The following TRIM24 variants were observed in gnomAD, a reference collection of about 807,000 sequenced individuals.
TRIM24 encodes tripartite motif containing 24, also known as transcription intermediary factor 1-alpha.
Under a neutral mutation model 123.9 loss-of-function variants are expected in TRIM24, and 29 were observed. The observed-to-expected ratio is 0.23, with a 90% CI of 0.17 to 0.32. The LOEUF (loss-of-function observed/expected upper bound fraction) is 0.32, where lower values mean the gene tolerates loss of function less well. Ranked by LOEUF, TRIM24 falls within the 10% of genes least tolerant of loss-of-function variation. The pLI is 1.00. For synonymous variants in TRIM24, 456 were observed against 461.1 expected (o/e 0.99, Z 0.14); for missense variants, 932 against 1,295.3 (o/e 0.72, Z 4.31).
chr7:138,490,074 T>C (rs1795745731), intron 1 of TRIM24, among the ~76,000 whole-genome samples: 1 of 152,192 alleles, frequency 6.6e-6, no homozygotes, highest in African/African-American at 2.4e-5. Context: ...TTCTCTAAAC[T>C]TCTCTTCTCG....
In TRIM24 at chr7:138,585,885, A is replaced by AAATATAAG. The variant is rs780726267; in HGVS notation, c.*935_*942dup. The AAATATAAG allele has an allele frequency of 3.9e-6, 2 of 518,984 alleles. No individual in the cohort carries two copies. Among genetic ancestry groups the AAATATAAG allele is most frequent in the South Asian group, 2.8e-5 (2 of 71,582 alleles). The allele number at this position is 518,984 out of a possible 1,614,324, so 32.1% of individuals were successfully genotyped here. Reference sequence around the variant, plus strand: ...TTCATCATATACCCTACTGGGCATTAAATATAAGTTCCTCTGAAAGGGACT... The same window carrying AAATATAAG: ...TTCATCATATACCCTACTGGGCATTAAATATAAGAATATAAGTTCCTCTGAAAGGGACT... On this transcript the variant is annotated 3_prime_UTR_variant, in exon 19 of 19. Coordinates refer to ENST00000343526, the MANE Select transcript of TRIM24 (RefSeq NM_015905.3).
chr7:138,553,712 A>T (rs1002137619), intron 8 of TRIM24, among the ~76,000 whole-genome samples: 1 of 152,158 alleles, frequency 6.6e-6, no homozygotes, highest in Non-Finnish European at 1.5e-5. Flanking sequence ...TTTAGAGCCA[A>T]TGTTAGGTTC....
At chr7:138,560,493 T>C (rs1267705276) in intron 9 of TRIM24, among the ~76,000 whole-genome samples, 1 of 152,186 alleles carries the variant, frequency 6.6e-6, no homozygotes, top group East Asian at 1.9e-4. Context: ...TAGTAGGTTT[T>C]TACAGGGTGT....
intron 7 of TRIM24, among the ~76,000 whole-genome samples, chr7:138,539,221 T>A (rs1796952674): frequency 6.6e-6 from 1 of 152,134 alleles, no homozygotes; most frequent in Admixed American, 6.5e-5. Context: ...ATGTAACATG[T>A]CTAACATCAC....
intron 1 of TRIM24, among the ~76,000 whole-genome samples, chr7:138,465,155 G>A (rs1795108399): frequency 6.6e-6 from 1 of 152,190 alleles, no homozygotes. Flanking sequence ...TGGCCACCAA[G>A]CTCCCATTGA....
In TRIM24 at chr7:138,460,794, G is replaced by A. The variant is rs765438385; in HGVS notation, c.246G>A (p.Leu82=). The A allele has an allele frequency of 1.3e-6, 2 of 1,583,054 alleles. No individual in the cohort carries two copies. The highest frequency in any genetic ancestry group is 1.4e-5 in the African/African-American group (1 of 71,490). The change falls in exon 1 of 19, where the codon CTG becomes CTA. Residue 82 remains leucine, a synonymous_variant. Transcript: ENST00000343526. Reference sequence around the variant, plus strand: ...TGCACTCTTTCTGCCAGCGCTGCCTGCCCGCGCCCCAGCGCTACCTCATGC... The same window carrying A: ...TGCACTCTTTCTGCCAGCGCTGCCTACCCGCGCCCCAGCGCTACCTCATGC... The part of the protein sequence containing the change: ...PCLHSFCQRC[L]PAPQRYLMLP...
chr7:138,527,343 A>C (rs939995912), intron 5 of TRIM24, among the ~76,000 whole-genome samples: 2 of 152,228 alleles, frequency 1.3e-5, no homozygotes, highest in African/African-American at 4.8e-5. Context: ...AATTGAGGCA[A>C]AAAATTAAAC....
At chr7:138,548,203 T>C (rs997395088) in intron 7 of TRIM24, among the ~76,000 whole-genome samples, 5 of 152,192 alleles carry the variant, frequency 3.3e-5, no homozygotes, top group African/African-American at 1.2e-4. Context: ...CAAACCTAGA[T>C]GGTTTACTCT....
At chr7:138,474,888 T>G (rs1016826314) in intron 1 of TRIM24, among the ~76,000 whole-genome samples, 1 of 152,242 alleles carries the variant, frequency 6.6e-6, no homozygotes, top group African/African-American at 2.4e-5. Flanking sequence ...GAAGATGTTC[T>G]GCAGGAAATC....
intron 1 of TRIM24, chr7:138,461,320 C>T (rs1240757704): frequency 4.0e-6 from 2 of 505,058 alleles, no homozygotes; most frequent in Non-Finnish European, 7.8e-6. Context: ...TGATCCTGAT[C>T]ATCTCGTCTA....
At chr7:138,510,180 C>G (rs1225666035) in intron 2 of TRIM24, among the ~76,000 whole-genome samples, 1 of 152,234 alleles carries the variant, frequency 6.6e-6, no homozygotes, top group Non-Finnish European at 1.5e-5. Context: ...CAAGTGCCTT[C>G]TTCTGACATT....
intron 9 of TRIM24, among the ~76,000 whole-genome samples, chr7:138,560,000 T>C (rs1797392686): frequency 6.6e-6 from 1 of 152,208 alleles, no homozygotes; most frequent in Admixed American, 6.5e-5. Flanking sequence ...ATTCCCCTAG[T>C]TCATGGAGGT....
intron 1 of TRIM24, among the ~76,000 whole-genome samples, chr7:138,482,589 G>A (rs1258663812): frequency 6.6e-6 from 1 of 152,118 alleles, no homozygotes; most frequent in Admixed American, 6.5e-5. Context: ...AGGATCTTAT[G>A]CTTTCTTTAC....
At chr7:138,534,209 C>T (rs917254679) in intron 6 of TRIM24, among the ~76,000 whole-genome samples, 25 of 152,046 alleles carry the variant, frequency 1.6e-4, no homozygotes, top group African/African-American at 5.8e-4. Flanking sequence ...GTGTCTCTAT[C>T]TCCTTCAGTT....
chr7:138,554,756 C>T lies in TRIM24; in HGVS notation c.1320C>T (p.Val440=), dbSNP rs761518363. ...CACAAATGCCTAAGCAGAATCCTGT[C>T]GTGGAACAGAATTCACAGCCACCAA... ...SQPQMPKQNP[V]VEQNSQPPSG... is the part of the protein sequence containing the mutation. The change falls in exon 9 of 19, where the codon GTC becomes GTT. Residue 440 remains valine (V), a synonymous_variant. Transcript: ENST00000343526. This position sits in a 1 kb window ranked among gnomAD's most constrained non-coding sequence, Gnocchi z 4.5. 5.1e-5 allele frequency: 83 copies of T among 1,614,014 alleles called. No individual in the cohort carries two copies. In the South Asian group the frequency reaches 7.6e-4, roughly 15 times the overall value.
chr7:138,552,715 C>A (rs1208449112), intron 8 of TRIM24, among the ~76,000 whole-genome samples: 1 of 152,038 alleles, frequency 6.6e-6, no homozygotes, highest in African/African-American at 2.4e-5. Flanking sequence ...AAGGGAAGAA[C>A]AAAAAGAATC....
intron 6 of TRIM24, among the ~76,000 whole-genome samples, chr7:138,535,136 T>C (rs962448830): frequency 2.6e-5 from 4 of 152,228 alleles, no homozygotes; most frequent in Admixed American, 2.0e-4. Context: ...GTCTCCTGAA[T>C]ACAGGACACT....
chr7:138,539,441 G>T (rs1796957275), intron 7 of TRIM24, among the ~76,000 whole-genome samples: 1 of 152,132 alleles, frequency 6.6e-6, no homozygotes, highest in South Asian at 2.1e-4. Flanking sequence ...CTGGTCAGGA[G>T]ATCTGGGGTG....
chr7:138,508,720 CGTGT>C lies in TRIM24; in HGVS notation c.483+4335_483+4338del, dbSNP rs113425807. Among the ~76,000 whole-genome samples the C allele has an allele frequency of 8.5e-4, 62 of 72,584 alleles. 1 individual carries two copies. Among genetic ancestry groups the C allele is most frequent in the East Asian group, 2.3e-3 (7 of 3,004 alleles). 47.6% of individuals were successfully genotyped at this position (72,584 alleles called of 152,430 possible). A position where few individuals can be genotyped will look rare whatever the true frequency, so the allele number is the denominator to read the frequency against. ...GCGCGCGTGTGTGCGTGTGTGTGTG[CGTGT>C]GTGTGTGTGTGTGTGTGTGTGTCAC... is the stretch of plus-strand genomic sequence containing the variant. On this transcript the variant is annotated intron_variant, in intron 2 of 18. Coordinates refer to ENST00000343526, the MANE Select transcript of TRIM24 (RefSeq NM_015905.3).
Sources: allele counts gnomAD v4.1 joint callset (sites outside exome capture counted in the v4.1 genomes callset), GRCh38; gene constraint gnomAD v4.1.1; non-coding constraint Gnocchi (gnomAD v3.1); transcripts MANE v1.5; gene names NCBI Gene and HGNC (gene_info 2026-07-23, HGNC 2026-07-21).